MATN2: variants seen among roughly 807,000 people sequenced by gnomAD.
MATN2 encodes the protein matrilin-2.
MATN2 carries 69 observed loss-of-function variants against 103.2 expected under a neutral mutation model. That is an observed-to-expected ratio of 0.67 (90% CI 0.55 to 0.82). The LOEUF (loss-of-function observed/expected upper bound fraction) is 0.82, where lower values mean the gene tolerates loss of function less well. Ranked by LOEUF, MATN2 falls within the 40% of genes least tolerant of loss-of-function variation. The probability of loss-of-function intolerance (pLI) is 0.00; values close to 1 mark genes in which losing one functional copy is unlikely to be tolerated. For missense variants in MATN2, 1,023 were observed against 1,211.5 expected, an observed-to-expected ratio of 0.84 and a Z score of 2.31; for synonymous variants, 429 against 450.2, an observed-to-expected ratio of 0.95 and a Z score of 0.60.
rs186772185 is a variant in MATN2 at position 97,895,132 on chromosome 8, C to T, written c.142+6890C>T. ...ATGTGATCTGCCCACCTAGGCCTCA[C>T]AAAATGCTGGAATTACAGGCGTGAG... is the stretch of plus-strand genomic sequence containing the variant. On this transcript the variant is annotated intron_variant, in intron 2 of 18. Coordinates refer to ENST00000254898, the MANE Select transcript of MATN2 (RefSeq NM_002380.5). Among the ~76,000 whole-genome samples, 550 of 152,298 alleles carry T rather than the reference C, an allele frequency of 3.6e-3. 4 individuals are homozygous for T. Among genetic ancestry groups the T allele is most frequent in the African/African-American group, 0.012 (507 of 41,572 alleles).
chr8:97,963,731 A>C lies in MATN2; in HGVS notation c.958+2201A>C, dbSNP rs958788918. Among the ~76,000 whole-genome samples the C allele has an allele frequency of 3.9e-5, 6 of 152,252 alleles. No individual in the cohort carries two copies. The East Asian group carries it at 1.2e-3, about 29-fold the overall frequency. ...GGGAAAATGGGAGAGACTGCATCCC[A>C]TTGCAACCCAGGTCTCCTCCGTCAG... On this transcript the variant is annotated intron_variant, in intron 5 of 18. Coordinates refer to ENST00000254898, the MANE Select transcript of MATN2 (RefSeq NM_002380.5).
chr8:97,881,598 T>C (rs1018234478), intron 1 of MATN2, among the ~76,000 whole-genome samples: 4 of 152,268 alleles, frequency 2.6e-5, no homozygotes, highest in African/African-American at 9.6e-5. Flanking sequence ...TCATGGAATC[T>C]GTTCGGACTG....
intron 6 of MATN2, 45 bp downstream of exon 6, chr8:97,979,053 C>T (rs1869607): frequency 0.12 from 193,301 of 1,565,476 alleles, 13,995 homozygotes; most frequent in African/African-American, 0.28. Flanking sequence ...TTTGCTGTTA[C>T]TGCTGTGGTG....
Position 98,007,411 on chromosome 8 carries a change from C to A in MATN2, c.1451-68C>A. 1 of 1,582,068 alleles carries A rather than the reference C, an allele frequency of 6.3e-7. No individual in the cohort carries two copies. The highest frequency in any genetic ancestry group is 1.1e-5 in the South Asian group (1 of 87,626). ...GGGAGGGCGGGGTGAGCATGACGGT[C>A]ACTTGATCCAATCACTGTCGCCCAG... On this transcript the variant is annotated intron_variant, in intron 9 of 18. Coordinates refer to ENST00000254898, the MANE Select transcript of MATN2 (RefSeq NM_002380.5). This position sits in a 1 kb window ranked among gnomAD's most constrained non-coding sequence, Gnocchi z 4.2.
chr8:97,939,899 T>C (rs957992183), intron 3 of MATN2, among the ~76,000 whole-genome samples: 1 of 152,172 alleles, frequency 6.6e-6, no homozygotes, highest in Non-Finnish European at 1.5e-5. Context: ...TCAACATTGA[T>C]AGAATCTGTG....
At chr8:97,954,723 A>G (rs1464966344) in intron 4 of MATN2, among the ~76,000 whole-genome samples, 1 of 152,246 alleles carries the variant, frequency 6.6e-6, no homozygotes, top group Non-Finnish European at 1.5e-5. Context: ...GAATAGATTT[A>G]TTAATTCAGT....
chr8:97,905,586 A>G (rs765833586), intron 2 of MATN2, among the ~76,000 whole-genome samples: 34 of 152,186 alleles, frequency 2.2e-4, no homozygotes, highest in Admixed American at 1.8e-3. Context: ...AAAATACGCT[A>G]CATTTTACTC....
chr8:97,916,041 T>C (rs1210231169), intron 2 of MATN2, among the ~76,000 whole-genome samples: 2 of 145,214 alleles, frequency 1.4e-5, no homozygotes, highest in Non-Finnish European at 3.0e-5. Context: ...CTGGCTATGG[T>C]TTTTATTTTA....
chr8:97,931,696 C>T lies in MATN2; in HGVS notation c.712+174C>T, dbSNP rs1010151275. On this transcript the variant is annotated intron_variant, in intron 3 of 18. Coordinates refer to ENST00000254898, the MANE Select transcript of MATN2 (RefSeq NM_002380.5). This position sits in a 1 kb window ranked among gnomAD's most constrained non-coding sequence, Gnocchi z 4.1. ...GGGCTTACACTTTGGCCAAGAGACA[C>T]ATGTTTTTATTTATTTATCTTTTAG... Among the ~76,000 whole-genome samples the T allele has an allele frequency of 6.6e-6, 1 of 152,142 alleles. No individual in the cohort carries two copies. Among genetic ancestry groups the T allele is most frequent in the African/African-American group, 2.4e-5 (1 of 41,412 alleles).
chr8:97,934,366 T>C (rs1434355151), intron 3 of MATN2, among the ~76,000 whole-genome samples: 1 of 152,228 alleles, frequency 6.6e-6, no homozygotes, highest in East Asian at 1.9e-4. Flanking sequence ...GTGCACTGTG[T>C]TATGTATTAT....
chr8:97,922,001 A>C (rs1809827589), intron 2 of MATN2, among the ~76,000 whole-genome samples: 1 of 152,192 alleles, frequency 6.6e-6, no homozygotes, highest in Admixed American at 6.5e-5. Flanking sequence ...TTCTCACACA[A>C]GCGCAAACCC....
chr8:98,012,336 T>TGAGAAG (rs1163126449), intron 10 of MATN2, among the ~76,000 whole-genome samples: 1 of 152,086 alleles, frequency 6.6e-6, no homozygotes, highest in Non-Finnish European at 1.5e-5. Flanking sequence ...AGTGGTGATG[T>TGAGAAG]GAGAAGGATG....
intron 7 of MATN2, among the ~76,000 whole-genome samples, chr8:97,996,416 C>T (rs940482201): frequency 1.3e-5 from 2 of 152,040 alleles, no homozygotes; most frequent in African/African-American, 4.8e-5. Context: ...ACAGATTGGT[C>T]CCCAGGTGGG....
intron 13 of MATN2, among the ~76,000 whole-genome samples, chr8:98,022,339 TAA>T (rs1160547036): frequency 6.8e-6 from 1 of 146,256 alleles, no homozygotes; most frequent in African/African-American, 2.6e-5. Flanking sequence ...TATACATATC[TAA>T]TGTGTATACC....
intron 7 of MATN2, among the ~76,000 whole-genome samples, chr8:97,998,680 T>A (rs1041263632): frequency 2.7e-5 from 4 of 150,840 alleles, no homozygotes; most frequent in Admixed American, 6.6e-5. Flanking sequence ...AATTTTTTTT[T>A]ATATTTTTAA....
chr8:98,034,095 A>C, intron 18 of MATN2: 1 of 440,498 alleles, frequency 2.3e-6, no homozygotes, highest in South Asian at 1.6e-5. Flanking sequence ...GCCCCAAGGA[A>C]CACCACAGCC....
intron 4 of MATN2, chr8:97,952,176 C>A (rs1810974873): frequency 6.6e-6 from 1 of 152,212 alleles, no homozygotes; most frequent in Non-Finnish European, 1.5e-5. Context: ...TGGGCAGAGA[C>A]CCCATCGTTT....
At position 98,021,213 on chromosome 8, in the gene MATN2, G is replaced by A. The variant is rs61729731; in HGVS notation, c.1828G>A (p.Val610Ile). Residue 610 changes from valine (V) to isoleucine (I), a missense_variant, in exon 13 of 19, where the codon GTC becomes ATC. Physicochemically the swap from Val to Ile is conservative, Grantham distance 29. Transcript: ENST00000254898. ...EDGKRCRRKD[V>I]CKSTHHGCEH... ...CCCTACATTTTCCTCAGGGAAGGATGTCTGCAAATCAACCCACCATGGCTG... is the reference window on the plus strand; with the variant it reads ...CCCTACATTTTCCTCAGGGAAGGATATCTGCAAATCAACCCACCATGGCTG... The A allele has an allele frequency of 9.2e-3, 14,870 of 1,613,342 alleles. 100 individuals carry two copies. Among genetic ancestry groups the A allele is most frequent in the South Asian group, 0.019 (1,692 of 91,058 alleles).
Position 98,011,770 on chromosome 8 carries a change from C to T in MATN2, c.1573+4169C>T, listed in dbSNP as rs543566691. Among the ~76,000 whole-genome samples the T allele has an allele frequency of 4.6e-5, 7 of 152,234 alleles. No homozygotes were observed. In the East Asian group the frequency reaches 9.7e-4, roughly 21 times the overall value. On this transcript the variant is annotated intron_variant, in intron 10 of 18. Coordinates refer to ENST00000254898, the MANE Select transcript of MATN2 (RefSeq NM_002380.5). ...ACAACGTCTTATGTGGAGCCCCAGACGCAGGATTGCTGTCTGTCATCACGG... is the reference window on the plus strand; with the variant it reads ...ACAACGTCTTATGTGGAGCCCCAGATGCAGGATTGCTGTCTGTCATCACGG...
Sources: gnomAD v4.1 joint callset for allele counts (sites outside exome capture counted in the v4.1 genomes callset) on GRCh38, gnomAD v4.1.1 for gene constraint, Gnocchi (gnomAD v3.1) non-coding constraint, MANE v1.5 for transcripts, NCBI Gene and HGNC (gene_info 2026-07-23, HGNC 2026-07-21) for gene names.